Variants in GRID2 observed in about 807,000 individuals in gnomAD.
GRID2 encodes glutamate receptor ionotropic, delta-2.
Under a neutral mutation model 114.8 loss-of-function variants are expected in GRID2, and 33 were observed. That is an observed-to-expected ratio of 0.29 (90% CI 0.22 to 0.38). GRID2 has a LOEUF of 0.38. Among genes scored for constraint, GRID2 ranks in the 10% least tolerant of loss-of-function variants. The pLI is 1.00. For missense variants in GRID2, 1,184 were observed against 1,257.7 expected, an observed-to-expected ratio of 0.94 and a Z score of 0.89; for synonymous variants, 505 against 449.9, an observed-to-expected ratio of 1.12 and a Z score of -1.55.
chr4:93,010,311 G>C (rs1158897131), intron 2 of GRID2, among the ~76,000 whole-genome samples: 3 of 151,690 alleles, frequency 2.0e-5, no homozygotes, highest in Non-Finnish European at 4.4e-5. Flanking sequence ...AGAGAGATGT[G>C]TGTATACATA....
chr4:92,636,880 T>A lies in GRID2; in HGVS notation c.244+46594T>A, dbSNP rs536013768. Among the ~76,000 whole-genome samples, 7 of 152,180 alleles carry A rather than the reference T, an allele frequency of 4.6e-5. No individual in the cohort carries two copies. The South Asian group carries it at 1.5e-3, about 32-fold the overall frequency. On this transcript the variant is annotated intron_variant, in intron 2 of 15. Coordinates refer to ENST00000282020, the MANE Select transcript of GRID2 (RefSeq NM_001510.4). ...TCTTATCACTTCTTAGATTGTTTTT[T>A]TTAATTTTATTTGTAAGAGTAAGGG...
chr4:92,327,450 C>G (rs1374529970), intron 1 of GRID2, among the ~76,000 whole-genome samples: 1 of 151,856 alleles, frequency 6.6e-6, no homozygotes, highest in Non-Finnish European at 1.5e-5. Context: ...GAGTGTACCA[C>G]ATGGTAGGGA....
intron 3 of GRID2, among the ~76,000 whole-genome samples, chr4:93,104,524 T>C (rs1416962476): frequency 2.0e-5 from 3 of 151,998 alleles, no homozygotes; most frequent in African/African-American, 4.8e-5. Flanking sequence ...GTTCTCATTG[T>C]TCAATTCCCA....
At chr4:93,453,467 C>A (rs1396231068) in intron 10 of GRID2, among the ~76,000 whole-genome samples, 1 of 151,662 alleles carries the variant, frequency 6.6e-6, no homozygotes, top group South Asian at 2.1e-4. Context: ...TGAAAATAGA[C>A]CAGAATTTAG....
At chr4:93,387,521 A>C (rs1006533814) in intron 8 of GRID2, among the ~76,000 whole-genome samples, 1 of 152,178 alleles carries the variant, frequency 6.6e-6, no homozygotes, top group Non-Finnish European at 1.5e-5. Context: ...ATACTTACTT[A>C]AAGCATCATA....
intron 14 of GRID2, among the ~76,000 whole-genome samples, chr4:93,654,139 C>G (rs190156319): frequency 5.3e-5 from 8 of 152,236 alleles, no homozygotes; most frequent in Non-Finnish European, 1.0e-4. Flanking sequence ...ATCATTTTCT[C>G]TCTCTCATCA....
intron 2 of GRID2, among the ~76,000 whole-genome samples, chr4:92,664,073 G>A (rs550697942): frequency 2.5e-4 from 37 of 150,958 alleles, no homozygotes; most frequent in African/African-American, 7.5e-4. Context: ...TTGTCTGTTT[G>A]TCTTGTTACA....
At chr4:92,542,628 T>C (rs1251676547) in intron 1 of GRID2, among the ~76,000 whole-genome samples, 1 of 151,556 alleles carries the variant, frequency 6.6e-6, no homozygotes, top group African/African-American at 2.4e-5. Context: ...GGGGACTCGG[T>C]GGGAGGGTGG....
chr4:92,611,665 C>G (rs917459416), intron 2 of GRID2, among the ~76,000 whole-genome samples: 4 of 151,484 alleles, frequency 2.6e-5, no homozygotes, highest in African/African-American at 9.7e-5. Flanking sequence ...ATTTCACATT[C>G]CCACCAATTT....
intron 2 of GRID2, among the ~76,000 whole-genome samples, chr4:92,860,483 G>A (rs1272005033): frequency 6.6e-6 from 1 of 152,124 alleles, no homozygotes; most frequent in Non-Finnish European, 1.5e-5. Flanking sequence ...TACAATGATA[G>A]ATTTGATGGC....
intron 1 of GRID2, among the ~76,000 whole-genome samples, chr4:92,549,757 T>A (rs1726481665): frequency 6.6e-6 from 1 of 152,166 alleles, no homozygotes; most frequent in South Asian, 2.1e-4. Context: ...TTAAAAAAGA[T>A]GATGCCCGTG....
At chr4:93,195,388 A>G (rs989927) in intron 4 of GRID2, among the ~76,000 whole-genome samples, 92,348 of 152,066 alleles carry the variant, frequency 0.61, 28,779 homozygotes, top group Middle Eastern at 0.74. Flanking sequence ...CTGAGAAAGC[A>G]TGTGTGGAAT....
intron 2 of GRID2, among the ~76,000 whole-genome samples, chr4:92,935,096 C>T (rs573255478): frequency 3.4e-5 from 5 of 146,742 alleles, no homozygotes; most frequent in African/African-American, 1.2e-4. Flanking sequence ...TCAGAGTGAA[C>T]AGGCAACCTA....
At chr4:93,095,693 C>A (rs1160703983) in intron 3 of GRID2, among the ~76,000 whole-genome samples, 1 of 151,796 alleles carries the variant, frequency 6.6e-6, no homozygotes, top group Non-Finnish European at 1.5e-5. Flanking sequence ...AATAAATCTG[C>A]AAAATTTTGC....
At chr4:92,622,336 T>C (rs571304132) in intron 2 of GRID2, among the ~76,000 whole-genome samples, 37 of 151,762 alleles carry the variant, frequency 2.4e-4, no homozygotes, top group Non-Finnish European at 3.4e-4. Context: ...CTGAATTTTC[T>C]TATAACTTTA....
intron 4 of GRID2, among the ~76,000 whole-genome samples, chr4:93,150,972 C>T (rs1736679153): frequency 6.6e-6 from 1 of 151,220 alleles, no homozygotes; most frequent in Non-Finnish European, 1.5e-5. Context: ...ACTAAAAATA[C>T]AAAAAAATTA....
chr4:93,315,029 T>C (rs1195367998), intron 8 of GRID2, among the ~76,000 whole-genome samples: 1 of 152,140 alleles, frequency 6.6e-6, no homozygotes, highest in Non-Finnish European at 1.5e-5. Flanking sequence ...CCGTTTTGCC[T>C]GGCTGGGGAG....
At chr4:93,725,162 T>G (rs1171871431) in intron 14 of GRID2, among the ~76,000 whole-genome samples, 1 of 152,060 alleles carries the variant, frequency 6.6e-6, no homozygotes, top group Non-Finnish European at 1.5e-5. Context: ...GTCCCTGGTG[T>G]GTGATGTTCC....
chr4:93,074,317 A>T (rs1387320985), intron 2 of GRID2, among the ~76,000 whole-genome samples: 1 of 152,194 alleles, frequency 6.6e-6, no homozygotes, highest in African/African-American at 2.4e-5. Flanking sequence ...AATTATAAGA[A>T]ACATTAGAAA....
Sources: gnomAD v4.1 joint callset for allele counts (sites outside exome capture counted in the v4.1 genomes callset) on GRCh38, gnomAD v4.1.1 for gene constraint, MANE v1.5 for transcripts, NCBI Gene and HGNC (gene_info 2026-07-23, HGNC 2026-07-21) for gene names.